CHD9: variants seen among roughly 807,000 people sequenced by gnomAD.
CHD9 encodes ATP-dependent chromatin remodeler CHD9.
CHD9 carries 77 observed loss-of-function variants against 316.1 expected under a neutral mutation model. The observed-to-expected ratio is 0.24, with a 90% CI of 0.20 to 0.29. The LOEUF is 0.29. Among genes scored for constraint, CHD9 ranks in the 10% least tolerant of loss-of-function variants. CHD9 has a pLI of 1.00. For synonymous variants in CHD9, 1,129 were observed against 1,158.3 expected (o/e 0.97, Z 0.51); for missense variants, 2,763 against 3,438.1 (o/e 0.80, Z 4.91).
chr16:53,271,905 T>C (rs1466269484), intron 22 of CHD9, among the ~76,000 whole-genome samples: 1 of 152,180 alleles, frequency 6.6e-6, no homozygotes, highest in Non-Finnish European at 1.5e-5. Context: ...TATGTACTAT[T>C]TCGAACCAAC....
intron 2 of CHD9, among the ~76,000 whole-genome samples, chr16:53,204,058 T>TACACACACACAC: frequency 1.6e-5 from 1 of 63,010 alleles, no homozygotes; most frequent in African/African-American, 4.4e-5. Flanking sequence ...AATATATATA[T>TACACACACACAC]ACACACACAC....
intron 19 of CHD9, among the ~76,000 whole-genome samples, chr16:53,259,258 GTAAATTAAATT>G (rs2050870748): frequency 6.6e-6 from 1 of 151,990 alleles, no homozygotes; most frequent in African/African-American, 2.4e-5. Flanking sequence ...TGTTTTATTT[GTAAATTAAATT>G]TATCATTTGT....
chr16:53,221,828 A>G (rs2047262701), intron 3 of CHD9, among the ~76,000 whole-genome samples: 1 of 152,174 alleles, frequency 6.6e-6, no homozygotes, highest in South Asian at 2.1e-4. Flanking sequence ...TTGTCTTTCT[A>G]CTGTAGAGCA....
chr16:53,230,300 A>G (rs1298800977), intron 8 of CHD9, among the ~76,000 whole-genome samples: 5 of 152,194 alleles, frequency 3.3e-5, no homozygotes, highest in Non-Finnish European at 7.3e-5. Context: ...AATTACTATT[A>G]TTCCATTTGT....
chr16:53,159,546 A>T (rs2041764154), intron 2 of CHD9, among the ~76,000 whole-genome samples: 1 of 152,192 alleles, frequency 6.6e-6, no homozygotes, highest in Non-Finnish European at 1.5e-5. Context: ...TTTCATTTTA[A>T]AGCCTTGAAG....
chr16:53,284,434 T>G (rs2053683232), intron 24 of CHD9, among the ~76,000 whole-genome samples: 4 of 151,950 alleles, frequency 2.6e-5, no homozygotes. Flanking sequence ...TTAATCATTG[T>G]CAGATATTAA....
chr16:53,153,086 A>G (rs2041244981), intron 1 of CHD9, among the ~76,000 whole-genome samples: 1 of 152,208 alleles, frequency 6.6e-6, no homozygotes, highest in African/African-American at 2.4e-5. Context: ...GAGACGTGAA[A>G]AACGACCCTT....
At chr16:53,128,815 T>C (rs941802967) in intron 1 of CHD9, among the ~76,000 whole-genome samples, 3 of 152,168 alleles carry the variant, frequency 2.0e-5, no homozygotes, top group African/African-American at 4.8e-5. Context: ...CAAGAACTTA[T>C]GTACTTAACA....
chr16:53,238,449 A>G lies in CHD9; in HGVS notation c.2740A>G (p.Ile914Val), dbSNP rs760339299. ...LTGIRGPFLI[I>V]APLSTIANWE... is the part of the protein sequence containing the mutation. ...TGGTATAAGAGGACCTTTCCTGATT[A>G]TTGCTCCACTTTCTACTATTGCAAA... The change falls in exon 12 of 39, where the codon ATT (isoleucine) becomes GTT (valine). Residue 914 changes from isoleucine to valine, a missense_variant. This residue lies in a region of CHD9 where 186 missense variants were observed against 245.0 expected (regional missense o/e 0.76). Transcript: ENST00000447540. 4.3e-6 allele frequency: 7 copies of G among 1,613,270 alleles called. No homozygotes were observed. The African/African-American group carries it at 6.7e-5, about 15-fold the overall frequency.
chr16:53,255,202 G>T (rs1310545067), intron 18 of CHD9, among the ~76,000 whole-genome samples: 9 of 152,090 alleles, frequency 5.9e-5, no homozygotes. Context: ...CACACCACTT[G>T]GGAAGTTGAG....
At chr16:53,165,025 A>G (rs1211531912) in intron 2 of CHD9, among the ~76,000 whole-genome samples, 3 of 152,180 alleles carry the variant, frequency 2.0e-5, no homozygotes, top group Non-Finnish European at 4.4e-5. Flanking sequence ...AAATCCAATA[A>G]TTATCTTCAA....
intron 1 of CHD9, among the ~76,000 whole-genome samples, chr16:53,142,068 A>G (rs1228300786): frequency 3.9e-5 from 6 of 152,204 alleles, no homozygotes. Flanking sequence ...ATAAATTTAG[A>G]TATCATAAAA....
At chr16:53,228,027 T>C (rs1197087784) in intron 7 of CHD9, among the ~76,000 whole-genome samples, 1 of 151,408 alleles carries the variant, frequency 6.6e-6, no homozygotes, top group Admixed American at 6.6e-5. Flanking sequence ...TGGAGGTTGC[T>C]GTGAGCCGAG....
chr16:53,256,647 CT>C (rs58475752), intron 19 of CHD9, among the ~76,000 whole-genome samples: 42,576 of 141,882 alleles, frequency 0.3, 6,340 homozygotes, highest in Middle Eastern at 0.38. Flanking sequence ...TTTCTCTCTC[CT>C]TTTTTTTTTT....
intron 2 of CHD9, among the ~76,000 whole-genome samples, chr16:53,179,334 A>G (rs1170925176): frequency 1.3e-5 from 2 of 151,410 alleles, no homozygotes; most frequent in Non-Finnish European, 2.9e-5. Flanking sequence ...TTTTTTTATC[A>G]TTTTCACTTA....
chr16:53,273,886 G>A (rs2052537278), intron 23 of CHD9, 101 bp downstream of exon 23: 1 of 1,046,032 alleles, frequency 9.6e-7, no homozygotes, highest in Middle Eastern at 3.0e-4. Flanking sequence ...AGACAGCATG[G>A]TCTAGGGCCA....
At chr16:53,243,427 C>T (rs1421700337) in intron 13 of CHD9, among the ~76,000 whole-genome samples, 1 of 152,216 alleles carries the variant, frequency 6.6e-6, no homozygotes, top group Non-Finnish European at 1.5e-5. Context: ...GATTCTCCTG[C>T]CTCAGCCTCC....
chr16:53,133,162 C>T (rs1020201420), intron 1 of CHD9, among the ~76,000 whole-genome samples: 4 of 152,058 alleles, frequency 2.6e-5, no homozygotes, highest in African/African-American at 9.7e-5. Flanking sequence ...GGGTAACTGT[C>T]ATTCCTGAAC....
intron 2 of CHD9, among the ~76,000 whole-genome samples, chr16:53,193,144 AT>A (rs2044609787): frequency 6.6e-6 from 1 of 152,074 alleles, no homozygotes; most frequent in Non-Finnish European, 1.5e-5. Flanking sequence ...CTAAATATTT[AT>A]TTTTAAAATG....
Sources: gnomAD v4.1 joint callset for allele counts (sites outside exome capture counted in the v4.1 genomes callset) on GRCh38, gnomAD v4.1.1 for gene constraint, gnomAD v4.1.1 regional missense constraint, MANE v1.5 for transcripts, NCBI Gene and HGNC (gene_info 2026-07-23, HGNC 2026-07-21) for gene names.